NCS1: variants seen among roughly 807,000 people sequenced by gnomAD.
NCS1 encodes neuronal calcium sensor 1, also known as frequenin homolog.
A neutral mutation model predicts 28.4 loss-of-function variants in NCS1; 6 were observed. The observed-to-expected ratio is 0.21, with a 90% CI of 0.12 to 0.42. NCS1 has a LOEUF of 0.42. Ranked by LOEUF, NCS1 falls within the 10% of genes least tolerant of loss-of-function variation. The pLI is 1.00. For synonymous variants in NCS1, 86 were observed against 99.3 expected, an observed-to-expected ratio of 0.87 and a Z score of 0.79; for missense variants, 131 against 241.4, an observed-to-expected ratio of 0.54 and a Z score of 3.03.
intron 6 of NCS1, among the ~76,000 whole-genome samples, 176 bp downstream of exon 6, chr9:130,223,335 TAA>T (rs773066805): frequency 1.3e-5 from 2 of 151,658 alleles, no homozygotes; most frequent in Non-Finnish European, 2.9e-5. Flanking sequence ...TCCAGAGTCT[TAA>T]GTCAGTTTGC....
intron 7 of NCS1, among the ~76,000 whole-genome samples, chr9:130,230,686 G>A (rs894358226): frequency 6.6e-6 from 1 of 151,416 alleles, no homozygotes; most frequent in Non-Finnish European, 1.5e-5. Context: ...TCCTGCCTAG[G>A]TGACAGTGTA....
intron 1 of NCS1, among the ~76,000 whole-genome samples, chr9:130,185,095 C>A (rs1250111235): frequency 6.6e-6 from 1 of 152,194 alleles, no homozygotes; most frequent in Non-Finnish European, 1.5e-5. Flanking sequence ...TGGGACCCAT[C>A]CTCGTCCACA....
In NCS1 at chr9:130,192,989, G is replaced by A. The variant is rs559127516; in HGVS notation, c.65-7969G>A. 3.9e-5 allele frequency among the ~76,000 whole-genome samples: 6 copies of A among 152,326 alleles called. No homozygotes were observed. The highest frequency in any genetic ancestry group is 2.1e-4 in the South Asian group (1 of 4,830). On this transcript the variant is annotated intron_variant, in intron 1 of 7. Coordinates refer to ENST00000372398, the MANE Select transcript of NCS1 (RefSeq NM_014286.4). This position sits in a 1 kb window ranked among gnomAD's most constrained non-coding sequence, Gnocchi z 4.8. ...GGGAAAAAACCGGTCACACAGCAAC[G>A]GAGTGGCAGATCCCTGGAGTCCAGG...
chr9:130,200,842 G>A (rs1220798539), intron 1 of NCS1, 116 bp from the exon 2 acceptor site: 38 of 1,501,006 alleles, frequency 2.5e-5, no homozygotes, highest in South Asian at 4.5e-5. Flanking sequence ...GCCGTTGCCC[G>A]GGGACATGGC....
At chr9:130,229,374 C>T (rs533496976) in intron 7 of NCS1, among the ~76,000 whole-genome samples, 5 of 152,022 alleles carry the variant, frequency 3.3e-5, no homozygotes, top group South Asian at 2.1e-4. Context: ...CATGCCTCAG[C>T]CTCCCAAGTA....
Position 130,193,273 on chromosome 9 carries a change from C to G in NCS1, c.65-7685C>G, listed in dbSNP as rs138358821. On this transcript the variant is annotated intron_variant, in intron 1 of 7. Coordinates refer to ENST00000372398, the MANE Select transcript of NCS1 (RefSeq NM_014286.4). ...AGGGGCAGGGGTGAGGCTGGAGAGG[C>G]TGGAGACGCACTGAGGCTCTGGAGG... is the stretch of plus-strand genomic sequence containing the variant. Among the ~76,000 whole-genome samples the G allele has an allele frequency of 7.6e-3, 1,158 of 152,148 alleles. 13 individuals are homozygous for G. The highest frequency in any genetic ancestry group is 0.026 in the African/African-American group (1,098 of 41,494).
intron 1 of NCS1, among the ~76,000 whole-genome samples, chr9:130,196,029 G>T (rs1385234361): frequency 2.6e-5 from 4 of 152,276 alleles, no homozygotes; most frequent in African/African-American, 9.6e-5. Context: ...AATGGGCCGG[G>T]CTGGGAACCA....
intron 1 of NCS1, among the ~76,000 whole-genome samples, chr9:130,197,912 C>T (rs10988635): frequency 0.51 from 75,829 of 149,142 alleles, 19,900 homozygotes; most frequent in East Asian, 0.85. Flanking sequence ...TTGCAGTGAG[C>T]CAAGATAGTG....
intron 1 of NCS1, among the ~76,000 whole-genome samples, chr9:130,185,866 C>T (rs547719469): frequency 2.0e-5 from 3 of 152,254 alleles, no homozygotes; most frequent in Non-Finnish European, 1.5e-5. Flanking sequence ...TCAGGCTTTC[C>T]GTGATGAGGC....
chr9:130,215,322 G>T lies in NCS1; in HGVS notation c.90-2510G>T, dbSNP rs1403287738. On this transcript the variant is annotated intron_variant, in intron 2 of 7. Transcript: ENST00000372398. The surrounding 1 kb of genome is among the most constrained non-coding windows in gnomAD (Gnocchi z 4.2). ...GGCAGGTTTAAGGGCCAGGACGGGG[G>T]TGGCTGTGTCCCTTCCTCCTGCTGT... Among the ~76,000 whole-genome samples the T allele has an allele frequency of 6.6e-6, 1 of 152,190 alleles. No individual in the cohort carries two copies. Among genetic ancestry groups the T allele is most frequent in the Admixed American group, 6.5e-5 (1 of 15,274 alleles).
At chr9:130,174,228 C>T (rs58218906) in intron 1 of NCS1, among the ~76,000 whole-genome samples, 290 of 152,296 alleles carry the variant, frequency 1.9e-3, no homozygotes, top group African/African-American at 6.7e-3. Flanking sequence ...ACACCGTGGG[C>T]TCCATCAGGA....
intron 1 of NCS1, among the ~76,000 whole-genome samples, chr9:130,185,829 C>T (rs1236928855): frequency 6.6e-6 from 1 of 152,286 alleles, no homozygotes; most frequent in East Asian, 1.9e-4. Context: ...CAGCAGCCCA[C>T]ACAGCCTTGC....
chr9:130,221,901 G>A (rs1484630465), intron 4 of NCS1, among the ~76,000 whole-genome samples: 3 of 88,896 alleles, frequency 3.4e-5, no homozygotes, highest in East Asian at 2.7e-4. Context: ...TATAAATTAT[G>A]TATATATAAA....
chr9:130,195,315 C>T (rs1832864105), intron 1 of NCS1, among the ~76,000 whole-genome samples: 1 of 152,222 alleles, frequency 6.6e-6, no homozygotes, highest in African/African-American at 2.4e-5. Flanking sequence ...TGGTCAGACC[C>T]CCGTTGGCCC....
rs553305460 is a variant in NCS1, at chr9:130,177,143, C to A, written c.64+4416C>A. Among the ~76,000 whole-genome samples, 55 of 152,334 alleles carry A rather than the reference C, an allele frequency of 3.6e-4. No individual in the cohort carries two copies. Among genetic ancestry groups the A allele is most frequent in the Middle Eastern group, 3.4e-3 (1 of 294 alleles). On this transcript the variant is annotated intron_variant, in intron 1 of 7. Coordinates refer to ENST00000372398, the MANE Select transcript of NCS1 (RefSeq NM_014286.4). This position sits in a 1 kb window ranked among gnomAD's most constrained non-coding sequence, Gnocchi z 4.4. ...CCGGCACACAGGAGCAGGTGGAGGG[C>A]AGGAGCCCACGGCTGACGCCTCTGT...
At chr9:130,210,292 G>A (rs780849925) in intron 2 of NCS1, among the ~76,000 whole-genome samples, 1 of 151,680 alleles carries the variant, frequency 6.6e-6, no homozygotes, top group Admixed American at 6.6e-5. Flanking sequence ...CCAGCTACTC[G>A]GGAGGCTGAG....
intron 7 of NCS1, among the ~76,000 whole-genome samples, chr9:130,228,389 GT>G (rs770801468): frequency 6.6e-6 from 1 of 150,578 alleles, no homozygotes. Flanking sequence ...GTTTTGTTTT[GT>G]TTTTTTTCTG....
intron 1 of NCS1, among the ~76,000 whole-genome samples, chr9:130,187,570 CAG>C (rs1160227753): frequency 1.3e-5 from 2 of 152,188 alleles, no homozygotes; most frequent in African/African-American, 4.8e-5. Flanking sequence ...TGGTGCAGCT[CAG>C]GGGCCAGACC....
At chr9:130,218,791 G>T (rs546843523) in intron 3 of NCS1, among the ~76,000 whole-genome samples, 1 of 151,980 alleles carries the variant, frequency 6.6e-6, no homozygotes, top group Non-Finnish European at 1.5e-5. Context: ...GGGTTTCACC[G>T]TATTGCCCAG....
Sources: gnomAD v4.1 joint callset for allele counts (sites outside exome capture counted in the v4.1 genomes callset) on GRCh38, gnomAD v4.1.1 for gene constraint, Gnocchi (gnomAD v3.1) non-coding constraint, MANE v1.5 for transcripts, NCBI Gene and HGNC (gene_info 2026-07-23, HGNC 2026-07-21) for gene names.